Variants in RBFOX1 observed in about 807,000 individuals in gnomAD.
RBFOX1 encodes RNA binding protein fox-1 homolog 1.
Under a neutral mutation model 57.7 loss-of-function variants are expected in RBFOX1, and 8 were observed. The ratio of observed to expected loss-of-function variants is 0.14; its 90% CI spans 0.08 to 0.25. The LOEUF is 0.25. Among genes scored for constraint, RBFOX1 ranks in the 10% least tolerant of loss-of-function variants. RBFOX1 has a pLI of 1.00. For synonymous variants in RBFOX1, 326 were observed against 222.4 expected, an observed-to-expected ratio of 1.47 and a Z score of -4.15; for missense variants, 611 against 548.5, an observed-to-expected ratio of 1.11 and a Z score of -1.14.
chr16:6,288,592 C>A (rs576434415), intron 1 of RBFOX1, among the ~76,000 whole-genome samples: 16 of 152,274 alleles, frequency 1.1e-4, no homozygotes, highest in African/African-American at 3.9e-4. Flanking sequence ...ACCTGAAACT[C>A]AGTCAGGTGA....
rs1367675161 is a variant in RBFOX1, at chr16:6,483,694, G to A, written c.-64+166637G>A. 4.6e-6 allele frequency: 4 copies of A among 861,390 alleles called. 1 individual carries two copies. The African/African-American group carries it at 5.5e-5, about 12-fold the overall frequency. The allele number at this position is 861,390 out of a possible 1,614,324, so 53.4% of individuals were successfully genotyped here. On this transcript the variant is annotated intron_variant, in intron 2 of 15. Coordinates refer to ENST00000550418, the MANE Select transcript of RBFOX1 (RefSeq NM_018723.4). ...GGGAGGGGGTTGCAGAGGGACGGGGGCGGGCGACAGGGGGAGGAGTGTGCA... is the reference window on the plus strand; with the variant it reads ...GGGAGGGGGTTGCAGAGGGACGGGGACGGGCGACAGGGGGAGGAGTGTGCA...
intron 4 of RBFOX1, among the ~76,000 whole-genome samples, chr16:7,315,459 C>CA (rs935253870): frequency 2.7e-5 from 4 of 147,580 alleles, no homozygotes; most frequent in African/African-American, 5.2e-5. Flanking sequence ...CTACCCTACC[C>CA]CCCCCCCCAT....
chr16:7,443,617 A>G (rs903371936), intron 4 of RBFOX1, among the ~76,000 whole-genome samples: 10 of 152,120 alleles, frequency 6.6e-5, no homozygotes, highest in East Asian at 1.9e-4. Flanking sequence ...ATAGAGTTCA[A>G]TGTAATAATG....
chr16:6,594,179 G>C (rs1474455701), intron 2 of RBFOX1, among the ~76,000 whole-genome samples: 1 of 152,160 alleles, frequency 6.6e-6, no homozygotes, highest in East Asian at 1.9e-4. Context: ...CCTTTGTCTA[G>C]TAAGAGTGTG....
intron 4 of RBFOX1, among the ~76,000 whole-genome samples, chr16:7,185,706 G>A (rs1335211312): frequency 6.6e-6 from 1 of 152,050 alleles, no homozygotes; most frequent in African/African-American, 2.4e-5. Flanking sequence ...ACTCTTTTTT[G>A]CTACCACTGA....
chr16:7,297,838 C>T (rs1333909008), intron 4 of RBFOX1, among the ~76,000 whole-genome samples: 1 of 152,020 alleles, frequency 6.6e-6, no homozygotes, highest in Non-Finnish European at 1.5e-5. Flanking sequence ...ATAGCCCCTC[C>T]TCTATTACCC....
intron 2 of RBFOX1, among the ~76,000 whole-genome samples, chr16:5,526,366 G>T (rs907182262): frequency 6.6e-5 from 10 of 152,054 alleles, no homozygotes; most frequent in African/African-American, 2.4e-4. Context: ...TCATCTCACT[G>T]CAACCCCTGC....
At chr16:6,793,062 A>C (rs2083281957) in intron 3 of RBFOX1, among the ~76,000 whole-genome samples, 1 of 151,902 alleles carries the variant, frequency 6.6e-6, no homozygotes, top group South Asian at 2.1e-4. Context: ...ATAATGCTGT[A>C]CATCTGTTAG....
chr16:6,821,219 A>G (rs571327723), intron 3 of RBFOX1, among the ~76,000 whole-genome samples: 1 of 152,102 alleles, frequency 6.6e-6, no homozygotes, highest in African/African-American at 2.4e-5. Context: ...CATGGCCTCT[A>G]CCCTTGTAGC....
At chr16:5,298,458 T>C (rs1303755077) in intron 1 of RBFOX1, among the ~76,000 whole-genome samples, 88 of 45,370 alleles carry the variant, frequency 1.9e-3, no homozygotes, top group African/African-American at 9.3e-3. Flanking sequence ...TCCCCTCCTT[T>C]CCCCTCCCTT....
intron 3 of RBFOX1, among the ~76,000 whole-genome samples, chr16:6,735,608 C>G (rs796863666): frequency 6.6e-6 from 1 of 152,152 alleles, no homozygotes; most frequent in Non-Finnish European, 1.5e-5. Context: ...GCTAAAATAA[C>G]TTGAAACAGA....
intron 1 of RBFOX1, among the ~76,000 whole-genome samples, chr16:6,032,005 A>G (rs1000808764): frequency 3.9e-5 from 6 of 152,038 alleles, no homozygotes; most frequent in African/African-American, 1.4e-4. Context: ...TCACTTTCAG[A>G]GATTTTTTTA....
At chr16:6,334,625 T>C (rs1303443885) in intron 2 of RBFOX1, among the ~76,000 whole-genome samples, 10 of 152,110 alleles carry the variant, frequency 6.6e-5, no homozygotes. Context: ...GATTGGGTCA[T>C]AGGGAGTTTT....
intron 3 of RBFOX1, among the ~76,000 whole-genome samples, chr16:5,775,628 C>A (rs1485325559): frequency 6.6e-6 from 1 of 152,192 alleles, no homozygotes; most frequent in Non-Finnish European, 1.5e-5. Flanking sequence ...TGTCTCTGTT[C>A]ATCCACCTGA....
At chr16:6,445,123 T>A (rs2094458580) in intron 2 of RBFOX1, among the ~76,000 whole-genome samples, 1 of 152,070 alleles carries the variant, frequency 6.6e-6, no homozygotes. Context: ...GACTTCTAGA[T>A]GTTAGACTTG....
intron 3 of RBFOX1, among the ~76,000 whole-genome samples, chr16:6,688,105 T>A (rs73533773): frequency 6.6e-6 from 1 of 152,042 alleles, no homozygotes; most frequent in African/African-American, 2.4e-5. Flanking sequence ...AGAGATTTCA[T>A]TGGCTCCGGG....
At chr16:5,391,991 A>G (rs1341500719) in intron 1 of RBFOX1, among the ~76,000 whole-genome samples, 1 of 152,058 alleles carries the variant, frequency 6.6e-6, no homozygotes, top group Non-Finnish European at 1.5e-5. Flanking sequence ...AGCGACCTGG[A>G]TGGAATTTGA....
chr16:6,028,677 T>A (rs1024204009), intron 1 of RBFOX1, among the ~76,000 whole-genome samples: 1 of 152,012 alleles, frequency 6.6e-6, no homozygotes, highest in Non-Finnish European at 1.5e-5. Context: ...CAAGACCCTA[T>A]CTGTAAAAAA....
chr16:5,375,612 C>T (rs191716092), intron 1 of RBFOX1, among the ~76,000 whole-genome samples: 265 of 152,274 alleles, frequency 1.7e-3, no homozygotes, highest in African/African-American at 6.2e-3. Flanking sequence ...CTGATACTGG[C>T]GTGGACACTA....
Sources: allele counts gnomAD v4.1 joint callset (sites outside exome capture counted in the v4.1 genomes callset), GRCh38; gene constraint gnomAD v4.1.1; transcripts MANE v1.5; gene names NCBI Gene and HGNC (gene_info 2026-07-23, HGNC 2026-07-21).